The following MYO16 variants were observed in gnomAD, a reference collection of about 807,000 sequenced individuals.
The protein encoded by MYO16 is myosin XVI.
MYO16 carries 94 observed loss-of-function variants against 205.3 expected under a neutral mutation model. The observed-to-expected ratio is 0.46, with a 90% CI of 0.39 to 0.54. The LOEUF is 0.54. Among genes scored for constraint, MYO16 ranks in the 20% least tolerant of loss-of-function variants. MYO16 has a pLI of 0.00. For synonymous variants in MYO16, 988 were observed against 954.0 expected (o/e 1.04, Z -0.66); for missense variants, 2,315 against 2,387.5 (o/e 0.97, Z 0.63).
In MYO16 at chr13:109,162,958, G is replaced by A. The variant is rs1219555455; in HGVS notation, c.5165-1943G>A. ...AGAGCTAAAACAGTTAAGATCACCT[G>A]ACTTTCACTTTTGTTGCCATTCTTG... is the stretch of plus-strand genomic sequence containing the variant. On this transcript the variant is annotated intron_variant, in intron 32 of 34. Coordinates refer to ENST00000457511, the MANE Select transcript of MYO16 (RefSeq NM_001198950.3). The surrounding 1 kb of genome is among the most constrained non-coding windows in gnomAD (Gnocchi z 4.6). Among the ~76,000 whole-genome samples the A allele has an allele frequency of 6.6e-6, 1 of 152,192 alleles. No homozygotes were observed. Among genetic ancestry groups the A allele is most frequent in the Non-Finnish European group, 1.5e-5 (1 of 68,038 alleles).
At chr13:108,886,696 GT>G in intron 13 of MYO16, among the ~76,000 whole-genome samples, 1 of 114,408 alleles carries the variant, frequency 8.7e-6, no homozygotes, top group Non-Finnish European at 2.0e-5. Flanking sequence ...CCGCAGGCTT[GT>G]TTAGGCAAAG....
In MYO16 at chr13:108,736,086, C is replaced by T. The variant is rs561411793; in HGVS notation, c.507+8503C>T. ...TAGGTTGCAAAAATTTTCTCCCATT[C>T]TGTAGGTTGCCCGTTCACTCTGATG... On this transcript the variant is annotated intron_variant, in intron 4 of 34. Transcript: ENST00000457511. Among the ~76,000 whole-genome samples, 365 of 152,196 alleles carry T rather than the reference C, an allele frequency of 2.4e-3. 6 individuals carry two copies. Among genetic ancestry groups the T allele is most frequent in the South Asian group, 0.02 (98 of 4,818 alleles).
At chr13:109,001,673 G>A (rs914538419) in intron 21 of MYO16, among the ~76,000 whole-genome samples, 4 of 152,116 alleles carry the variant, frequency 2.6e-5, no homozygotes, top group African/African-American at 7.2e-5. Context: ...CTGATTTGTC[G>A]GAGAACCACT....
At chr13:108,649,230 A>AT (rs1880892334) in intron 1 of MYO16, among the ~76,000 whole-genome samples, 1 of 152,094 alleles carries the variant, frequency 6.6e-6, no homozygotes, top group African/African-American at 2.4e-5. Context: ...ATAATAAAAA[A>AT]AATTCCAGTG....
chr13:108,901,610 G>T (rs2139212933), intron 15 of MYO16, among the ~76,000 whole-genome samples: 1 of 152,278 alleles, frequency 6.6e-6, no homozygotes, highest in East Asian at 1.9e-4. Flanking sequence ...GGGCATCTAT[G>T]ACAGGCATGC....
At chr13:108,920,336 C>T (rs1468596611) in intron 16 of MYO16, among the ~76,000 whole-genome samples, 1 of 150,942 alleles carries the variant, frequency 6.6e-6, no homozygotes, top group East Asian at 1.9e-4. Flanking sequence ...CTTTCCCTCC[C>T]TTCTTTTTCT....
chr13:108,572,426 T>C, the MYO16 span, among the ~76,000 whole-genome samples: 5 of 152,208 alleles, frequency 3.3e-5, no homozygotes, highest in Non-Finnish European at 7.3e-5. Flanking sequence ...GTTATTATAA[T>C]AAGTAAAGCA....
intron 23 of MYO16, among the ~76,000 whole-genome samples, chr13:109,042,148 G>A (rs924097776): frequency 2.0e-5 from 3 of 152,204 alleles, no homozygotes; most frequent in Admixed American, 2.0e-4. Context: ...ACAGGCATGA[G>A]CCACTGGGCT....
At chr13:109,174,179 A>C (rs187903082) in intron 33 of MYO16, among the ~76,000 whole-genome samples, 27 of 152,310 alleles carry the variant, frequency 1.8e-4, no homozygotes, top group African/African-American at 6.3e-4. Context: ...TGATGGGAGA[A>C]TACAGCACTC....
chr13:108,662,551 T>C (rs1361323204), intron 1 of MYO16, among the ~76,000 whole-genome samples: 1 of 152,018 alleles, frequency 6.6e-6, no homozygotes, highest in Non-Finnish European at 1.5e-5. Flanking sequence ...ATGCAGGTTG[T>C]CAGGGAACTG....
At chr13:108,940,645 A>G (rs1018869482) in intron 16 of MYO16, among the ~76,000 whole-genome samples, 7 of 152,142 alleles carry the variant, frequency 4.6e-5, no homozygotes, top group South Asian at 2.1e-4. Flanking sequence ...TAATATGGAG[A>G]AAAATAGTCA....
intron 12 of MYO16, among the ~76,000 whole-genome samples, chr13:108,880,992 CA>C (rs1225401585): frequency 6.6e-6 from 1 of 152,184 alleles, no homozygotes; most frequent in Non-Finnish European, 1.5e-5. Context: ...ACTGACTCCC[CA>C]AGTGGGTCCC....
At chr13:108,697,786 G>A (rs139511603) in intron 2 of MYO16, among the ~76,000 whole-genome samples, 177 of 151,956 alleles carry the variant, frequency 1.2e-3, no homozygotes, top group African/African-American at 4.1e-3. Context: ...GCAGTGGTGT[G>A]ATCCCAGCTA....
intron 1 of MYO16, among the ~76,000 whole-genome samples, chr13:108,660,517 T>C (rs145231084): frequency 4.5e-4 from 69 of 152,332 alleles, no homozygotes; most frequent in African/African-American, 1.6e-3. Context: ...CCTTTTACCA[T>C]TATATAATGT....
intron 28 of MYO16, among the ~76,000 whole-genome samples, chr13:109,119,787 CA>C (rs1875896782): frequency 6.6e-6 from 1 of 152,168 alleles, no homozygotes; most frequent in South Asian, 2.1e-4. Context: ...TGCAAACATC[CA>C]GAAGATTGTT....
intron 16 of MYO16, among the ~76,000 whole-genome samples, chr13:108,946,219 A>C (rs1001794111): frequency 6.6e-6 from 1 of 152,086 alleles, no homozygotes. Flanking sequence ...TCTTATACTA[A>C]ACTCTCTTTA....
intron 2 of MYO16, among the ~76,000 whole-genome samples, chr13:108,696,422 TGCTACACAGAACAATA>T (rs1487353221): frequency 2.6e-5 from 4 of 152,176 alleles, no homozygotes; most frequent in Non-Finnish European, 4.4e-5. Context: ...GACAAACCAT[TGCTACACAGAACAATA>T]TGGATAGATT....
intron 4 of MYO16, among the ~76,000 whole-genome samples, chr13:108,741,830 A>G (rs770068148): frequency 1.6e-4 from 24 of 152,176 alleles, no homozygotes; most frequent in Non-Finnish European, 2.8e-4. Context: ...CCAAAAAATG[A>G]TGGGTTTCTG....
chr13:109,174,002 G>A (rs948119444), intron 33 of MYO16, among the ~76,000 whole-genome samples: 6 of 149,974 alleles, frequency 4.0e-5, no homozygotes, highest in African/African-American at 1.2e-4. Context: ...TACTATCCAG[G>A]GTGAACAATA....
Sources: gnomAD v4.1 joint callset for allele counts (sites outside exome capture counted in the v4.1 genomes callset) on GRCh38, gnomAD v4.1.1 for gene constraint, Gnocchi (gnomAD v3.1) non-coding constraint, MANE v1.5 for transcripts, NCBI Gene and HGNC (gene_info 2026-07-23, HGNC 2026-07-21) for gene names.